The following NUP98 variants were observed in gnomAD, a reference collection of about 807,000 sequenced individuals.
NUP98 encodes nucleoporin 98 and 96 precursor, also known as nuclear pore complex protein Nup98-Nup96.
In NUP98, 26 loss-of-function variants were observed where a neutral mutation model predicts 191.9. The observed-to-expected ratio is 0.14, with a 90% CI of 0.10 to 0.19. The LOEUF is 0.19. Ranked by LOEUF, NUP98 falls within the 10% of genes least tolerant of loss-of-function variation. NUP98 has a pLI of 1.00. For missense variants in NUP98, 1,941 were observed against 2,178.8 expected (o/e 0.89, Z 2.17); for synonymous variants, 808 against 778.4 (o/e 1.04, Z -0.63).
chr11:3,725,146 C>A lies in NUP98; in HGVS notation c.1804G>T (p.Glu602Ter). ...TATTCAGATGGTGAAGCTAGATTTT[C>A]TGAATCACGATTAACAGGAGAAAAG... ...NLFSPVNRDS[E>*]NLASPSEYPE... Residue 602 changes from glutamate (E) to a stop codon, truncating the protein, a stop_gained, in exon 15 of 33, where the codon GAA becomes TAA. Transcript: ENST00000324932. LOFTEE classifies it high-confidence loss of function. The A allele has an allele frequency of 6.2e-7, 1 of 1,601,362 alleles. No individual in the cohort carries two copies. The highest frequency in any genetic ancestry group is 1.1e-5 in the South Asian group (1 of 90,664).
intron 10 of NUP98, among the ~76,000 whole-genome samples, chr11:3,758,314 C>G (rs1453963871): frequency 6.7e-6 from 1 of 148,544 alleles, no homozygotes; most frequent in Non-Finnish European, 1.5e-5. Context: ...GAGCGAGACT[C>G]CGTCTCAAAA....
chr11:3,790,475 T>C (rs1448400537), intron 1 of NUP98, among the ~76,000 whole-genome samples: 1 of 152,176 alleles, frequency 6.6e-6, no homozygotes, highest in Non-Finnish European at 1.5e-5. Context: ...CAACACTTCT[T>C]CCAGGGGTTC....
chr11:3,682,404 A>C (rs1310899293), intron 30 of NUP98, among the ~76,000 whole-genome samples: 1 of 152,198 alleles, frequency 6.6e-6, no homozygotes, highest in Non-Finnish European at 1.5e-5. Context: ...GCTTTTGTTT[A>C]AAGTTAGAGT....
intron 30 of NUP98, 184 bp from the exon 31 acceptor site, chr11:3,679,892 G>C (rs1350732771): frequency 1.6e-6 from 1 of 626,464 alleles, no homozygotes; most frequent in African/African-American, 1.8e-5. Context: ...CAATAAAGCA[G>C]GTATCACAAT....
chr11:3,738,073 T>C (rs1321138724), intron 12 of NUP98, among the ~76,000 whole-genome samples: 4 of 127,584 alleles, frequency 3.1e-5, no homozygotes, highest in Admixed American at 8.4e-5. Flanking sequence ...CAAATCATTC[T>C]ACCTGGGCGT....
chr11:3,715,664 C>G (rs1284848529), intron 18 of NUP98, among the ~76,000 whole-genome samples: 1 of 152,174 alleles, frequency 6.6e-6, no homozygotes, highest in African/African-American at 2.4e-5. Context: ...TCACAGCTCA[C>G]TGTAACCTCT....
At chr11:3,768,932 T>C (rs959387402) in intron 7 of NUP98, among the ~76,000 whole-genome samples, 188 bp from the exon 8 acceptor site, 3 of 152,206 alleles carry the variant, frequency 2.0e-5, no homozygotes, top group Non-Finnish European at 2.9e-5. Flanking sequence ...CTTTAACTTC[T>C]GTAATAACAT....
chr11:3,728,179 G>T (rs1007326026), intron 14 of NUP98, among the ~76,000 whole-genome samples: 7 of 152,196 alleles, frequency 4.6e-5, no homozygotes, highest in Admixed American at 3.9e-4. Context: ...CATGCCTATC[G>T]TGTCCTAACA....
At chr11:3,757,671 T>G (rs985921803) in intron 10 of NUP98, among the ~76,000 whole-genome samples, 36 of 151,776 alleles carry the variant, frequency 2.4e-4, no homozygotes. Flanking sequence ...TGGTGGTGCA[T>G]GCCTGTAATC....
chr11:3,787,306 C>T (rs1021434448), intron 1 of NUP98, among the ~76,000 whole-genome samples: 2 of 152,174 alleles, frequency 1.3e-5, no homozygotes, highest in African/African-American at 4.8e-5. Context: ...TAAGGCCGGG[C>T]ACGGTGGCTC....
chr11:3,768,436 A>C (rs2081411409), intron 8 of NUP98, 145 bp downstream of exon 8: 1 of 767,718 alleles, frequency 1.3e-6, no homozygotes. Flanking sequence ...AAAAAAAAAA[A>C]ACTTTGTTCT....
chr11:3,763,254 A>C (rs992684624), intron 8 of NUP98, among the ~76,000 whole-genome samples: 2 of 152,176 alleles, frequency 1.3e-5, no homozygotes, highest in Admixed American at 1.3e-4. Flanking sequence ...CCAAGGTGCC[A>C]CAGCTCCTGA....
At chr11:3,746,905 C>T (rs780614952) in intron 11 of NUP98, among the ~76,000 whole-genome samples, 1 of 142,826 alleles carries the variant, frequency 7.0e-6, no homozygotes, top group Non-Finnish European at 1.5e-5. Flanking sequence ...AAGAGCAAAA[C>T]GCAGTCTCAA....
At chr11:3,786,031 T>C (rs751795205) in intron 1 of NUP98, among the ~76,000 whole-genome samples, 48 of 152,240 alleles carry the variant, frequency 3.2e-4, no homozygotes, top group African/African-American at 1.1e-3. Flanking sequence ...CTAATGCTGC[T>C]TATGAATTAT....
In NUP98 at chr11:3,723,174, T is replaced by G. The variant is rs1219808661; in HGVS notation, c.2129A>C (p.Tyr710Ser). The change falls in exon 16 of 33, where the codon TAC becomes TCC. Residue 710 changes from tyrosine (Y) to serine (S), a missense_variant. Transcript: ENST00000324932. ...AACCTGACCTGCTGGGTGCATATGG[T>G]AAGAATTATTTTCTATTTCTTCTCG... ...DDREEIENNS[Y>S]HMHPAGIILT... The G allele has an allele frequency of 4.3e-6, 7 of 1,613,986 alleles. No homozygotes were observed. The Admixed American group carries it at 5.0e-5, about 12-fold the overall frequency.
At position 3,755,570 on chromosome 11, in the gene NUP98, G is replaced by A. The variant is rs144818898; in HGVS notation, c.1175-2162C>T. Among the ~76,000 whole-genome samples, 614 of 152,278 alleles carry A rather than the reference G, an allele frequency of 4.0e-3. 4 individuals are homozygous for A. Among genetic ancestry groups the A allele is most frequent in the African/African-American group, 0.014 (593 of 41,568 alleles). ...GAAAGTATCACTAATATTATACTTTGTTGTGCCAGTATTTGGATTATTATC... is the reference window on the plus strand; with the variant it reads ...GAAAGTATCACTAATATTATACTTTATTGTGCCAGTATTTGGATTATTATC... On this transcript the variant is annotated intron_variant, in intron 10 of 32. Transcript: ENST00000324932.
Position 3,676,599 on chromosome 11 carries a change from G to T in NUP98, c.5095C>A (p.Leu1699Met). The change falls in exon 32 of 33, where the codon CTG becomes ATG. Residue 1699 changes from leucine to methionine, a missense_variant. Coordinates refer to ENST00000324932, the MANE Select transcript of NUP98 (RefSeq NM_016320.5). ...GTCACTTTGATGTGTAACTGCTCCA[G>T]GTCATTACCTGAGCAATCCACCTAC... ...IQQVDCSGND[L>M]EQLHIKVTSL... 6.2e-7 allele frequency: 1 copy of T among 1,614,066 alleles called. No homozygotes were observed. Among genetic ancestry groups the T allele is most frequent in the Non-Finnish European group, 8.5e-7 (1 of 1,179,938 alleles).
rs145485862 is a variant in NUP98, at chr11:3,736,197, G to A, written c.1409-873C>T. ...TCTGCCCACCTTGGCCTCCCAAAATGCCAGGATTACAGGAGTCAGCCACCA... is the reference window on the plus strand; with the variant it reads ...TCTGCCCACCTTGGCCTCCCAAAATACCAGGATTACAGGAGTCAGCCACCA... On this transcript the variant is annotated intron_variant, in intron 12 of 32. Coordinates refer to ENST00000324932, the MANE Select transcript of NUP98 (RefSeq NM_016320.5). 5.7e-3 allele frequency among the ~76,000 whole-genome samples: 860 copies of A among 151,968 alleles called. 7 individuals are homozygous for A. The highest frequency in any genetic ancestry group is 0.019 in the African/African-American group (805 of 41,458).
chr11:3,705,153 T>C (rs2078821527), intron 22 of NUP98, 47 bp downstream of exon 22: 1 of 1,588,658 alleles, frequency 6.3e-7, no homozygotes, highest in Non-Finnish European at 8.6e-7. Flanking sequence ...AAGCAGGACT[T>C]GATGACTGTA....
Sources: allele counts gnomAD v4.1 joint callset (sites outside exome capture counted in the v4.1 genomes callset), GRCh38; gene constraint gnomAD v4.1.1; transcripts MANE v1.5; gene names NCBI Gene and HGNC (gene_info 2026-07-23, HGNC 2026-07-21).